Variants in ABI2 observed in about 807,000 individuals in gnomAD.
The protein encoded by ABI2 is abelson interactor 2.
A neutral mutation model predicts 59.2 loss-of-function variants in ABI2; 25 were observed. That is an observed-to-expected ratio of 0.42 (90% confidence interval 0.31 to 0.59). ABI2 has a LOEUF of 0.59. ABI2 is among the 20% of genes least tolerant of loss of function. The pLI, the probability that ABI2 is intolerant of heterozygous loss-of-function variation, is 0.14. For synonymous variants in ABI2, 213 were observed against 235.5 expected (o/e 0.90, Z 0.87); for missense variants, 545 against 681.8 (o/e 0.80, Z 2.23).
rs553590965 is a variant in ABI2, at chr2:203,393,877, A to G, written c.579-823A>G. On this transcript the variant is annotated intron_variant, in intron 5 of 11. Transcript: ENST00000261018. The stretch of plus-strand genomic sequence containing the variant: ...AATGAGAACTAATTTAATAAACACT[A>G]ATTTCCCCATGTGCATCCTGTTCCC... Among the ~76,000 whole-genome samples, 6 of 152,354 alleles carry G rather than the reference A, an allele frequency of 3.9e-5. No homozygotes were observed. In the South Asian group the frequency reaches 1.2e-3, roughly 32 times the overall value.
intron 1 of ABI2, chr2:203,355,235 G>A (rs1411919800): frequency 7.9e-6 from 3 of 381,120 alleles, no homozygotes; most frequent in Admixed American, 2.4e-5. Context: ...GACTGGGTAC[G>A]GTGGCTCATT....
At chr2:203,421,261 G>A (rs1403428017) in intron 11 of ABI2, among the ~76,000 whole-genome samples, 1 of 152,104 alleles carries the variant, frequency 6.6e-6, no homozygotes, top group Non-Finnish European at 1.5e-5. Context: ...CCAAGGTAGT[G>A]GTGCTGAAAA....
intron 11 of ABI2, among the ~76,000 whole-genome samples, chr2:203,419,464 G>A (rs1393581385): frequency 1.3e-5 from 2 of 151,612 alleles, no homozygotes; most frequent in African/African-American, 4.8e-5. Flanking sequence ...CGACTACCGG[G>A]TTCACGCCAT....
At position 203,405,460 on chromosome 2, in the gene ABI2, C is replaced by G. The variant is rs145766207; in HGVS notation, c.1192+2726C>G. 8.0e-4 allele frequency among the ~76,000 whole-genome samples: 122 copies of G among 151,946 alleles called. 1 individual carries two copies. Among genetic ancestry groups the G allele is most frequent in the Middle Eastern group, 3.4e-3 (1 of 294 alleles). The stretch of plus-strand genomic sequence containing the variant: ...AGCTCCTCAGGAGGCTGAGGCAGAA[C>G]GATTGGTTGAACCTAGGAGATGGAA... On this transcript the variant is annotated intron_variant, in intron 9 of 11. Coordinates refer to ENST00000261018, the MANE Select transcript of ABI2 (RefSeq NM_001375670.1).
chr2:203,404,168 G>T (rs940567979), intron 9 of ABI2, among the ~76,000 whole-genome samples: 1 of 152,158 alleles, frequency 6.6e-6, no homozygotes, highest in African/African-American at 2.4e-5. Context: ...GATATAAAGT[G>T]CATGAAAGCC....
chr2:203,425,322 C>T (rs193122680), intron 11 of ABI2, among the ~76,000 whole-genome samples: 1 of 151,792 alleles, frequency 6.6e-6, no homozygotes, highest in African/African-American at 2.4e-5. Context: ...CTTGCCTCAG[C>T]CTCCCAAGTA....
intron 1 of ABI2, among the ~76,000 whole-genome samples, chr2:203,335,691 G>A (rs1222005906): frequency 1.3e-5 from 2 of 152,134 alleles, no homozygotes; most frequent in Non-Finnish European, 2.9e-5. Flanking sequence ...CATAATTCAT[G>A]CAAGGAACAT....
chr2:203,342,643 G>T (rs1000839327), intron 1 of ABI2, among the ~76,000 whole-genome samples: 11 of 151,600 alleles, frequency 7.3e-5, no homozygotes, highest in Non-Finnish European at 1.3e-4. Context: ...GCAGTGGCGT[G>T]ATCTCAGCTC....
chr2:203,337,340 C>A (rs1316129061), intron 1 of ABI2, among the ~76,000 whole-genome samples: 1 of 152,112 alleles, frequency 6.6e-6, no homozygotes, highest in African/African-American at 2.4e-5. Flanking sequence ...TGTTGTGTTT[C>A]TACATATTAA....
At chr2:203,397,168 A>G (rs536451138) in intron 8 of ABI2, among the ~76,000 whole-genome samples, 229 of 152,314 alleles carry the variant, frequency 1.5e-3, no homozygotes, top group African/African-American at 5.4e-3. Context: ...ACATTTTTCC[A>G]ATAGGGTAGC....
At chr2:203,393,231 T>G (rs2096841044) in intron 5 of ABI2, among the ~76,000 whole-genome samples, 1 of 152,160 alleles carries the variant, frequency 6.6e-6, no homozygotes, top group Non-Finnish European at 1.5e-5. Flanking sequence ...ATTTTTGTAT[T>G]TTTAGTAGAG....
At chr2:203,415,442 C>T (rs1032351125) in intron 10 of ABI2, among the ~76,000 whole-genome samples, 3 of 151,714 alleles carry the variant, frequency 2.0e-5, no homozygotes, top group South Asian at 2.1e-4. Context: ...ACGGTGAAAC[C>T]CCATCTCTAC....
intron 1 of ABI2, among the ~76,000 whole-genome samples, chr2:203,359,537 G>A (rs1033371949): frequency 2.6e-5 from 4 of 152,164 alleles, no homozygotes; most frequent in Admixed American, 2.6e-4. Flanking sequence ...ATGTGTCTTA[G>A]TTCATTGGTC....
At chr2:203,388,684 AAATAAT>A (rs757094732) in intron 4 of ABI2, among the ~76,000 whole-genome samples, 2 of 151,866 alleles carry the variant, frequency 1.3e-5, no homozygotes, top group Admixed American at 6.6e-5. Context: ...CTGTCTTAAA[AAATAAT>A]AATAATAATA....
intron 8 of ABI2, among the ~76,000 whole-genome samples, chr2:203,402,160 G>A (rs1342611679): frequency 6.6e-5 from 10 of 151,800 alleles, no homozygotes; most frequent in Non-Finnish European, 1.0e-4. Flanking sequence ...TCAGCCTCCC[G>A]AGTAGCTGGA....
intron 2 of ABI2, chr2:203,367,311 C>G (rs2094544294): frequency 4.0e-6 from 1 of 247,782 alleles, no homozygotes. Flanking sequence ...GAAACTTCAT[C>G]CATTCCCCCG....
rs771624986 is a variant in ABI2, at chr2:203,395,694, G to A, written c.764G>A (p.Arg255Gln). 3 of 1,611,998 alleles carry A rather than the reference G, an allele frequency of 1.9e-6. No individual in the cohort carries two copies. The highest frequency in any genetic ancestry group is 2.2e-5 in the East Asian group (1 of 44,746). ...AGTGGAGGGAGCCACCCAAGTAGTC[G>A]GAGCAGCAGTCGAGAGAACAGTGGA... ...GSSGGSHPSS[R>Q]SSSRENSGSG... The change falls in exon 7 of 12, where the codon CGG (arginine) becomes CAG (glutamine). Residue 255 changes from arginine (R) to glutamine (Q), a missense_variant. By Grantham distance (43) the Arg-to-Gln change is conservative. Coordinates refer to ENST00000261018, the MANE Select transcript of ABI2 (RefSeq NM_001375670.1).
intron 1 of ABI2, among the ~76,000 whole-genome samples, chr2:203,354,265 A>G (rs1339945978): frequency 2.0e-5 from 3 of 152,096 alleles, no homozygotes; most frequent in African/African-American, 7.2e-5. Context: ...GCTGGTCTCA[A>G]ACTCCTGAGC....
chr2:203,387,030 C>CT (rs985528328), intron 4 of ABI2, among the ~76,000 whole-genome samples: 8 of 144,436 alleles, frequency 5.5e-5, no homozygotes, highest in Non-Finnish European at 9.1e-5. Context: ...GTTTTGTCTC[C>CT]TTTTTTTTCC....
Sources: allele counts gnomAD v4.1 joint callset (sites outside exome capture counted in the v4.1 genomes callset), GRCh38; gene constraint gnomAD v4.1.1; transcripts MANE v1.5; gene names NCBI Gene and HGNC (gene_info 2026-07-23, HGNC 2026-07-21).